TRAPPC9: variants seen among roughly 807,000 people sequenced by gnomAD.
The protein encoded by TRAPPC9 is IKK2 binding protein.
TRAPPC9 carries 83 observed loss-of-function variants against 124.0 expected under a neutral mutation model. That is an observed-to-expected ratio of 0.67 (90% confidence interval 0.56 to 0.80). The LOEUF (loss-of-function observed/expected upper bound fraction) is 0.80, where lower values mean the gene tolerates loss of function less well. TRAPPC9 is among the 30% of genes least tolerant of loss of function. The pLI is 0.00. For missense variants in TRAPPC9, 1,302 were observed against 1,508.3 expected, an observed-to-expected ratio of 0.86 and a Z score of 2.27; for synonymous variants, 638 against 617.5, an observed-to-expected ratio of 1.03 and a Z score of -0.49.
intron 17 of TRAPPC9, among the ~76,000 whole-genome samples, chr8:140,209,165 C>T (rs977601770): frequency 6.6e-6 from 1 of 152,196 alleles, no homozygotes; most frequent in East Asian, 1.9e-4. Flanking sequence ...CCTCTGCAGA[C>T]GATCCGCCTA....
chr8:140,289,131 CAT>C (rs1265832294), intron 12 of TRAPPC9, among the ~76,000 whole-genome samples: 4 of 151,870 alleles, frequency 2.6e-5, no homozygotes, highest in Admixed American at 6.6e-5. Context: ...GGGGTATACA[CAT>C]GTGTACATAT....
intron 6 of TRAPPC9, among the ~76,000 whole-genome samples, chr8:140,401,927 C>CTTT (rs769830190): frequency 1.4e-5 from 2 of 139,764 alleles, no homozygotes; most frequent in African/African-American, 5.2e-5. Flanking sequence ...CACTCAACCT[C>CTTT]TTTTTTTTTT....
intron 9 of TRAPPC9, among the ~76,000 whole-genome samples, chr8:140,358,429 TCTCC>T (rs2067821384): frequency 6.6e-6 from 1 of 152,100 alleles, no homozygotes. Flanking sequence ...CTGGTCTCGA[TCTCC>T]TGACCTCAGG....
intron 21 of TRAPPC9, among the ~76,000 whole-genome samples, chr8:139,829,650 G>C (rs1424297501): frequency 1.3e-5 from 2 of 152,232 alleles, no homozygotes; most frequent in Non-Finnish European, 2.9e-5. Flanking sequence ...CTCTGGGAGG[G>C]AGGGCCCTTC....
Position 140,079,639 on chromosome 8 carries a change from TA to T in TRAPPC9, c.2557-55561del, listed in dbSNP as rs372914707. Among the ~76,000 whole-genome samples, 324 of 152,184 alleles carry T rather than the reference TA, an allele frequency of 2.1e-3. 1 individual carries two copies. The highest frequency in any genetic ancestry group is 7.4e-3 in the African/African-American group (309 of 41,506). ...AAAAACGTCTAATTGTGCATAATAA[TA>T]AAAAGGCAGGCCAGGCATGGTGGCT... On this transcript the variant is annotated intron_variant, in intron 17 of 22. Transcript: ENST00000438773.
At chr8:140,301,906 C>G (rs1292767321) in intron 10 of TRAPPC9, among the ~76,000 whole-genome samples, 5 of 152,250 alleles carry the variant, frequency 3.3e-5, no homozygotes, top group African/African-American at 4.8e-5. Context: ...ACTCAGCAAC[C>G]TCCCAGAGCT....
Position 139,956,370 on chromosome 8 carries a change from C to T in TRAPPC9, c.2810+32356G>A, listed in dbSNP as rs187334811. Among the ~76,000 whole-genome samples the T allele has an allele frequency of 5.0e-3, 763 of 152,188 alleles. 3 individuals are homozygous for T. The highest frequency in any genetic ancestry group is 0.017 in the African/African-American group (707 of 41,526). On this transcript the variant is annotated intron_variant, in intron 19 of 22. Coordinates refer to ENST00000438773, the MANE Select transcript of TRAPPC9 (RefSeq NM_001160372.4). ...TAGAGACGGGGTTTCACTATGTTTG[C>T]CACGCTGGTCTCAAACTCTTGACCT...
chr8:140,427,519 C>G (rs1014639152), intron 4 of TRAPPC9, among the ~76,000 whole-genome samples: 1 of 152,084 alleles, frequency 6.6e-6, no homozygotes, highest in African/African-American at 2.4e-5. Context: ...TATGAAGAAA[C>G]TTTTGAAAGC....
intron 21 of TRAPPC9, among the ~76,000 whole-genome samples, chr8:139,851,593 G>C (rs1827466073): frequency 6.6e-6 from 1 of 152,150 alleles, no homozygotes; most frequent in Non-Finnish European, 1.5e-5. Context: ...AGAGCAAGTG[G>C]GATAGCACTA....
intron 21 of TRAPPC9, among the ~76,000 whole-genome samples, chr8:139,774,066 G>A (rs1012617777): frequency 1.3e-5 from 2 of 152,236 alleles, no homozygotes; most frequent in African/African-American, 4.8e-5. Context: ...AGGCTGCTGA[G>A]AGCGCAGTGG....
At chr8:139,935,669 C>CTTTTTTTT (rs377706417) in intron 19 of TRAPPC9, among the ~76,000 whole-genome samples, 4 of 132,570 alleles carry the variant, frequency 3.0e-5, no homozygotes, top group Admixed American at 7.5e-5. Context: ...TCAGTCTTTG[C>CTTTTTTTT]TTTTTTTTTT....
chr8:140,023,887 T>C (rs1839963232), intron 18 of TRAPPC9, 50 bp downstream of exon 18: 3 of 1,613,076 alleles, frequency 1.9e-6, no homozygotes, highest in South Asian at 2.2e-5. Context: ...CTGAACGTAG[T>C]GCTGTTGAGA....
intron 21 of TRAPPC9, among the ~76,000 whole-genome samples, chr8:139,827,833 T>G (rs1214134064): frequency 6.6e-6 from 1 of 152,198 alleles, no homozygotes; most frequent in Admixed American, 6.5e-5. Context: ...TACTGGCATC[T>G]GCTCAGCTTC....
chr8:140,075,455 C>T (rs567491301), intron 17 of TRAPPC9, among the ~76,000 whole-genome samples: 2 of 152,284 alleles, frequency 1.3e-5, no homozygotes, highest in South Asian at 4.1e-4. Context: ...GTCCCCACAT[C>T]CCTCTCCTCC....
chr8:140,334,799 C>T (rs1309239910), intron 9 of TRAPPC9, among the ~76,000 whole-genome samples: 1 of 151,772 alleles, frequency 6.6e-6, no homozygotes, highest in Non-Finnish European at 1.5e-5. Context: ...GTGAGGGAAT[C>T]GGATAGGTAA....
chr8:140,002,960 A>G (rs1336147566), intron 18 of TRAPPC9, among the ~76,000 whole-genome samples: 3 of 151,748 alleles, frequency 2.0e-5, no homozygotes, highest in Non-Finnish European at 4.4e-5. Context: ...ACAAGAAAAC[A>G]TAAAAGAAAA....
intron 21 of TRAPPC9, among the ~76,000 whole-genome samples, chr8:139,841,114 C>T (rs1826700429): frequency 6.6e-6 from 1 of 152,176 alleles, no homozygotes; most frequent in Non-Finnish European, 1.5e-5. Flanking sequence ...AACATCTACC[C>T]CTCGCTTGCC....
chr8:139,949,435 C>T (rs1417610023), intron 19 of TRAPPC9, among the ~76,000 whole-genome samples: 6 of 152,158 alleles, frequency 3.9e-5, no homozygotes, highest in African/African-American at 7.2e-5. Context: ...CATATAAAAA[C>T]GCACACAAGA....
intron 10 of TRAPPC9, among the ~76,000 whole-genome samples, chr8:140,303,389 C>A (rs1351664741): frequency 6.6e-6 from 1 of 152,152 alleles, no homozygotes; most frequent in Non-Finnish European, 1.5e-5. Flanking sequence ...CCAGGACTTA[C>A]AGTGTGTTAA....
Sources: gnomAD v4.1 joint callset for allele counts (sites outside exome capture counted in the v4.1 genomes callset) on GRCh38, gnomAD v4.1.1 for gene constraint, MANE v1.5 for transcripts, NCBI Gene and HGNC (gene_info 2026-07-23, HGNC 2026-07-21) for gene names.